TMEM266: variants seen among roughly 807,000 people sequenced by gnomAD.
TMEM266 encodes the protein transmembrane protein 266.
Under a neutral mutation model 50.5 loss-of-function variants are expected in TMEM266, and 33 were observed. The observed-to-expected ratio is 0.65, with a 90% CI of 0.50 to 0.87. The LOEUF is 0.87. TMEM266 is among the 40% of genes least tolerant of loss of function. The pLI, the probability that TMEM266 is intolerant of heterozygous loss-of-function variation, is 0.00. For missense variants in TMEM266, 655 were observed against 695.1 expected (o/e 0.94, Z 0.65); for synonymous variants, 310 against 292.3 (o/e 1.06, Z -0.62).
intron 9 of TMEM266, 68 bp downstream of exon 9, chr15:76,192,225 C>G: frequency 2.2e-6 from 3 of 1,351,682 alleles, no homozygotes; most frequent in Non-Finnish European, 2.9e-6. Flanking sequence ...CCCTCTCGCG[C>G]CCCGGGACTG....
intron 1 of TMEM266, among the ~76,000 whole-genome samples, chr15:76,119,719 A>G (rs983715999): frequency 5.9e-5 from 9 of 152,298 alleles, no homozygotes; most frequent in African/African-American, 1.4e-4. Context: ...GTGAGCCGAG[A>G]TCGTGCCACA....
intron 9 of TMEM266, among the ~76,000 whole-genome samples, chr15:76,193,363 G>A (rs1020840711): frequency 1.3e-5 from 2 of 152,192 alleles, no homozygotes; most frequent in African/African-American, 2.4e-5. Flanking sequence ...TGGGATCATA[G>A]GTGTACACCA....
intron 7 of TMEM266, among the ~76,000 whole-genome samples, chr15:76,174,002 A>G (rs1376183278): frequency 6.6e-6 from 1 of 151,348 alleles, no homozygotes; most frequent in African/African-American, 2.4e-5. Flanking sequence ...CCTTGACTAC[A>G]GTCACTTACT....
rs1376798007 is a variant in TMEM266, at chr15:76,204,413, C to T, written c.*98C>T. Reference sequence around the variant, plus strand: ...AAGGGCCACACGCGGGGCCCAGGAGCCCACCTGGCCTCCCTCAGGGTGCTG... The same window carrying T: ...AAGGGCCACACGCGGGGCCCAGGAGTCCACCTGGCCTCCCTCAGGGTGCTG... On this transcript the variant is annotated 3_prime_UTR_variant, in exon 11 of 11. Transcript: ENST00000388942. The T allele has an allele frequency of 1.7e-6, 2 of 1,204,070 alleles. No individual in the cohort carries two copies. Among genetic ancestry groups the T allele is most frequent in the African/African-American group, 1.5e-5 (1 of 65,430 alleles). 74.6% of individuals were successfully genotyped at this position (1,204,070 alleles called of 1,614,324 possible).
chr15:76,125,533 A>G (rs945773800), intron 1 of TMEM266, among the ~76,000 whole-genome samples: 1 of 151,824 alleles, frequency 6.6e-6, no homozygotes, highest in African/African-American at 2.4e-5. Flanking sequence ...TAAGGAACCT[A>G]TACAACTCAA....
intron 2 of TMEM266, among the ~76,000 whole-genome samples, chr15:76,136,559 TG>T (rs1395694973): frequency 6.6e-6 from 1 of 152,220 alleles, no homozygotes; most frequent in Admixed American, 6.5e-5. Flanking sequence ...CTCATTACCC[TG>T]GGCACTGACC....
chr15:76,067,728 G>A (rs2036458912), intron 1 of TMEM266, among the ~76,000 whole-genome samples: 2 of 148,404 alleles, frequency 1.3e-5, no homozygotes, highest in Admixed American at 1.3e-4. Context: ...CTTAAAGTAT[G>A]CAATAACACA....
chr15:76,175,485 A>G (rs2038259516), intron 7 of TMEM266, 74 bp from the exon 8 acceptor site: 1 of 1,192,612 alleles, frequency 8.4e-7, no homozygotes. Context: ...TGCTGCCTGA[A>G]TGCTGGGCCC....
chr15:76,177,718 A>G (rs1405192483), intron 8 of TMEM266, among the ~76,000 whole-genome samples: 1 of 152,244 alleles, frequency 6.6e-6, no homozygotes, highest in Non-Finnish European at 1.5e-5. Context: ...CATCAGCTTC[A>G]TTCATTCTCT....
At chr15:76,083,233 CTT>C (rs3068737) in intron 1 of TMEM266, among the ~76,000 whole-genome samples, 35 of 136,106 alleles carry the variant, frequency 2.6e-4, no homozygotes, top group East Asian at 4.3e-4. Context: ...TGCTGATACT[CTT>C]TTTTTTTTTT....
intron 1 of TMEM266, among the ~76,000 whole-genome samples, chr15:76,084,763 G>C (rs944842565): frequency 2.6e-5 from 4 of 151,640 alleles, no homozygotes; most frequent in Non-Finnish European, 5.9e-5. Flanking sequence ...ACCATGCCCG[G>C]CTAATTTTTT....
chr15:76,202,594 G>A (rs1056303535), intron 10 of TMEM266, among the ~76,000 whole-genome samples: 4 of 152,174 alleles, frequency 2.6e-5, no homozygotes, highest in African/African-American at 4.8e-5. Flanking sequence ...ACATGTCAAG[G>A]TGGGCACAGT....
chr15:76,202,302 C>A (rs770803434), intron 10 of TMEM266, 38 bp downstream of exon 10: 2 of 1,557,268 alleles, frequency 1.3e-6, no homozygotes, highest in Non-Finnish European at 8.8e-7. Context: ...TGTGCCACAA[C>A]CCCAGCAATC....
At chr15:76,175,420 A>G (rs2038258220) in intron 7 of TMEM266, 139 bp from the exon 8 acceptor site, 3 of 639,854 alleles carry the variant, frequency 4.7e-6, no homozygotes, top group Non-Finnish European at 8.3e-6. Flanking sequence ...GCTCTCGGGT[A>G]CCTGGACATT....
At chr15:76,086,730 T>A (rs1438075474) in intron 1 of TMEM266, among the ~76,000 whole-genome samples, 1 of 152,074 alleles carries the variant, frequency 6.6e-6, no homozygotes, top group South Asian at 2.1e-4. Context: ...GAGGCTGAAG[T>A]GAAGTTACAA....
intron 3 of TMEM266, among the ~76,000 whole-genome samples, chr15:76,144,770 T>G (rs2037732455): frequency 6.6e-6 from 1 of 152,054 alleles, no homozygotes; most frequent in African/African-American, 2.4e-5. Flanking sequence ...AAAACCTTCA[T>G]GCGTGTCCAC....
intron 1 of TMEM266, among the ~76,000 whole-genome samples, chr15:76,097,984 T>C (rs2036946334): frequency 6.6e-6 from 1 of 151,984 alleles, no homozygotes; most frequent in Non-Finnish European, 1.5e-5. Context: ...TACACTGTTC[T>C]AGTTAGGAAT....
chr15:76,158,144 C>A (rs2037955874), intron 4 of TMEM266, among the ~76,000 whole-genome samples: 1 of 152,214 alleles, frequency 6.6e-6, no homozygotes, highest in African/African-American at 2.4e-5. Context: ...TTCTCAAATG[C>A]CCCCAATTCC....
In TMEM266 at chr15:76,079,722, C is replaced by T. The variant is rs1340329266; in HGVS notation, c.-97+19706C>T. 2.8e-5 allele frequency among the ~76,000 whole-genome samples: 4 copies of T among 143,682 alleles called. No homozygotes were observed. The Admixed American group carries it at 2.9e-4, about 10-fold the overall frequency. 94.3% of individuals were successfully genotyped at this position (143,682 alleles called of 152,430 possible). ...CCGGGAGGCAGAGCTTGCCGTGAGC[C>T]GAGATCGTGCCACAGCACTCCAGCC... On this transcript the variant is annotated intron_variant, in intron 1 of 10. Transcript: ENST00000388942.
Sources: allele counts gnomAD v4.1 joint callset (sites outside exome capture counted in the v4.1 genomes callset), GRCh38; gene constraint gnomAD v4.1.1; transcripts MANE v1.5; gene names NCBI Gene and HGNC (gene_info 2026-07-23, HGNC 2026-07-21).